The following POFUT4 variants were observed in gnomAD, a reference collection of about 807,000 sequenced individuals.
The protein encoded by POFUT4 is protein O-fucosyltransferase 4, also known as GDP-fucose protein O-fucosyltransferase 4.
the POFUT4 span, chr10:73,775,836 A>T: frequency 1.3e-6 from 1 of 789,512 alleles, no homozygotes; most frequent in Non-Finnish European, 2.0e-6. Flanking sequence ...ATTTTATCTT[A>T]ATGATGAGTA....
the POFUT4 span, chr10:73,773,523 A>G: frequency 3.1e-6 from 5 of 1,614,256 alleles, no homozygotes; most frequent in South Asian, 3.3e-5. Context: ...TGAGGAGTAT[A>G]TGAAATACCT....
the POFUT4 span, among the ~76,000 whole-genome samples, chr10:73,776,669 G>A: frequency 1.3e-5 from 2 of 152,114 alleles, no homozygotes; most frequent in Non-Finnish European, 2.9e-5. Context: ...GTGACAGAGC[G>A]AGACACCGTC....
At chr10:73,779,013 C>A in the POFUT4 span, 3 of 150,516 alleles carry the variant, frequency 2.0e-5, no homozygotes, top group African/African-American at 7.4e-5. Flanking sequence ...GGTGTGTGTG[C>A]CTTGTAGATC....
At chr10:73,777,921 G>T in the POFUT4 span, among the ~76,000 whole-genome samples, 1 of 148,904 alleles carries the variant, frequency 6.7e-6, no homozygotes, top group Non-Finnish European at 1.5e-5. Context: ...GTGCAGTGGC[G>T]TGATTTTGGC....
chr10:73,772,705 C>T, the POFUT4 span: 4 of 1,581,638 alleles, frequency 2.5e-6, no homozygotes, highest in South Asian at 3.4e-5. Flanking sequence ...TCTTCTACGG[C>T]ACAGACTTCC....
chr10:73,775,834 TTAA>T, the POFUT4 span: 2 of 821,306 alleles, frequency 2.4e-6, no homozygotes, highest in East Asian at 2.6e-5. Context: ...AGATTTTATC[TTAA>T]TGATGAGTAG....
At chr10:73,772,682 A>C in the POFUT4 span, 1 of 1,561,330 alleles carries the variant, frequency 6.4e-7, no homozygotes. Flanking sequence ...GGACTCGCGG[A>C]CGCGCGCGCT....
the POFUT4 span, chr10:73,773,999 A>G: frequency 1.6e-6 from 1 of 617,400 alleles, no homozygotes; most frequent in Non-Finnish European, 2.7e-6. Flanking sequence ...GAATAGATGT[A>G]AAATATAATT....
the POFUT4 span, chr10:73,773,522 T>C: frequency 6.2e-7 from 1 of 1,614,260 alleles, no homozygotes; most frequent in Non-Finnish European, 8.5e-7. Flanking sequence ...ATGAGGAGTA[T>C]ATGAAATACC....
At chr10:73,772,694 C>T in the POFUT4 span, 3 of 1,572,840 alleles carry the variant, frequency 1.9e-6, no homozygotes, top group African/African-American at 2.7e-5. Context: ...GCGCGCGCTG[C>T]TCTTCTACGG....
chr10:73,772,376 G>C, the POFUT4 span: 2 of 1,554,424 alleles, frequency 1.3e-6, no homozygotes. Flanking sequence ...CCTTCTAGGG[G>C]TGCTCAGTGT....
the POFUT4 span, chr10:73,772,960 G>C: frequency 3.7e-6 from 6 of 1,605,340 alleles, no homozygotes; most frequent in Non-Finnish European, 5.1e-6. Context: ...GCGGCTACGC[G>C]CCGCTGCTCT....
chr10:73,778,089 C>A, the POFUT4 span, among the ~76,000 whole-genome samples: 11 of 150,498 alleles, frequency 7.3e-5, no homozygotes. Context: ...GTCTCGGACT[C>A]CTGACCTCAA....
the POFUT4 span, chr10:73,773,986 G>A: frequency 1.5e-6 from 1 of 660,868 alleles, no homozygotes; most frequent in Non-Finnish European, 2.4e-6. Flanking sequence ...AGCTGAAAAA[G>A]CTGAATAGAT....
the POFUT4 span, chr10:73,773,870 G>T: frequency 1.3e-6 from 2 of 1,505,964 alleles, no homozygotes; most frequent in Non-Finnish European, 1.8e-6. Flanking sequence ...CTTGCTTACT[G>T]TGGGCAATTA....
the POFUT4 span, among the ~76,000 whole-genome samples, chr10:73,776,920 C>A: frequency 2.6e-5 from 4 of 152,168 alleles, no homozygotes; most frequent in Admixed American, 2.6e-4. Context: ...ACTTCGTGAT[C>A]CGCCCGCCTT....
chr10:73,772,416 C>T, the POFUT4 span: 17 of 1,571,822 alleles, frequency 1.1e-5, no homozygotes, highest in Admixed American at 2.0e-4. Context: ...GGGTCCGTAG[C>T]GGAGAGGGAG....
At chr10:73,778,750 T>G in the POFUT4 span, 1 of 152,342 alleles carries the variant, frequency 6.6e-6, no homozygotes. Context: ...AAGTTGTTCT[T>G]TTTTCATTTA....
chr10:73,772,799 C>G, the POFUT4 span: 2 of 1,611,636 alleles, frequency 1.2e-6, no homozygotes, highest in Admixed American at 1.7e-5. Context: ...CAACTTCTTG[C>G]TGAGCCACGG....
Sources: gnomAD v4.1 joint callset for allele counts (sites outside exome capture counted in the v4.1 genomes callset) on GRCh38, gnomAD v4.1.1 for gene constraint, MANE v1.5 for transcripts, NCBI Gene and HGNC (gene_info 2026-07-23, HGNC 2026-07-21) for gene names.